Variants in C12orf42 observed in about 807,000 individuals in gnomAD.
C12orf42 encodes the protein uncharacterized protein C12orf42.
A neutral mutation model predicts 21.6 loss-of-function variants in C12orf42; 25 were observed. The ratio of observed to expected loss-of-function variants is 1.16; its 90% CI spans 0.84 to 1.62. The LOEUF (loss-of-function observed/expected upper bound fraction) is 1.62. Ranked by LOEUF, C12orf42 falls within the 40% of genes most tolerant of loss-of-function variation. The pLI is 0.00. For synonymous variants in C12orf42, 174 were observed against 175.0 expected (o/e 0.99, Z 0.05); for missense variants, 483 against 459.3 (o/e 1.05, Z -0.47).
At chr12:103,197,470 T>C in the C12orf42 span, among the ~76,000 whole-genome samples, 9,025 of 152,320 alleles carry the variant, frequency 0.059, 440 homozygotes, top group East Asian at 0.24. Flanking sequence ...ATTGTTTTAA[T>C]ACATTCCTTA....
chr12:103,482,972 C>T (rs1954577164), intron 1 of C12orf42, among the ~76,000 whole-genome samples: 2 of 151,982 alleles, frequency 1.3e-5, no homozygotes, highest in Admixed American at 1.3e-4. Context: ...TTACTTTATG[C>T]ATCTGTTTCT....
intron 4 of C12orf42, among the ~76,000 whole-genome samples, chr12:103,313,996 T>C (rs984465142): frequency 3.9e-5 from 6 of 152,086 alleles, no homozygotes; most frequent in Admixed American, 6.5e-5. Flanking sequence ...GTGATATTAA[T>C]GAAAAACAAG....
At chr12:103,387,584 A>T (rs1465512764) in intron 3 of C12orf42, among the ~76,000 whole-genome samples, 2 of 152,222 alleles carry the variant, frequency 1.3e-5, no homozygotes, top group Non-Finnish European at 2.9e-5. Flanking sequence ...CTTGTCAACC[A>T]GGGATGGCGG....
intron 1 of C12orf42, among the ~76,000 whole-genome samples, chr12:103,478,917 A>G (rs1954269491): frequency 6.6e-6 from 1 of 152,128 alleles, no homozygotes; most frequent in East Asian, 1.9e-4. Flanking sequence ...TCTGTTGATT[A>G]TTTGGGGATT....
chr12:103,530,334 G>A, the C12orf42 span, among the ~76,000 whole-genome samples: 1 of 152,214 alleles, frequency 6.6e-6, no homozygotes, highest in Non-Finnish European at 1.5e-5. Context: ...CTGCAAAGGC[G>A]GTGGCGTGTG....
intron 4 of C12orf42, among the ~76,000 whole-genome samples, chr12:103,341,788 A>G (rs1365710552): frequency 2.6e-5 from 4 of 152,214 alleles, no homozygotes; most frequent in Non-Finnish European, 5.9e-5. Context: ...AAACATAGAA[A>G]AAGAAAGCCC....
chr12:103,210,618 T>A, the C12orf42 span, among the ~76,000 whole-genome samples: 1 of 150,440 alleles, frequency 6.6e-6, no homozygotes, highest in South Asian at 2.1e-4. Flanking sequence ...TATCCTCATC[T>A]TGGTGTAACA....
At chr12:103,191,782 G>C in the C12orf42 span, among the ~76,000 whole-genome samples, 1 of 149,462 alleles carries the variant, frequency 6.7e-6, no homozygotes, top group Non-Finnish European at 1.5e-5. Flanking sequence ...AAAATATTAA[G>C]AGCTATAACC....
At chr12:103,294,636 G>GAAAGA (rs1480779632) in intron 4 of C12orf42, among the ~76,000 whole-genome samples, 1 of 144,190 alleles carries the variant, frequency 6.9e-6, no homozygotes, top group East Asian at 2.0e-4. Context: ...AAGAAAGAAA[G>GAAAGA]AAGGAAAAGA....
the C12orf42 span, among the ~76,000 whole-genome samples, chr12:103,560,156 TG>T: frequency 2.1e-4 from 32 of 152,370 alleles, no homozygotes; most frequent in African/African-American, 7.2e-4. Flanking sequence ...TGGTCATTAA[TG>T]TCCCCATTTT....
chr12:103,317,305 G>A (rs2034630206), intron 4 of C12orf42, among the ~76,000 whole-genome samples: 1 of 152,058 alleles, frequency 6.6e-6, no homozygotes, highest in Non-Finnish European at 1.5e-5. Context: ...CTCTCTCCTA[G>A]TAAAGGGACA....
the C12orf42 span, among the ~76,000 whole-genome samples, chr12:103,228,098 A>G: frequency 1.3e-5 from 2 of 152,136 alleles, no homozygotes; most frequent in African/African-American, 4.8e-5. Flanking sequence ...GAGTCACGGC[A>G]CCAAATTTCA....
At chr12:103,089,619 C>CTGTGTGTGTG in the C12orf42 span, among the ~76,000 whole-genome samples, 34 of 145,588 alleles carry the variant, frequency 2.3e-4, no homozygotes, top group African/African-American at 7.5e-4. Context: ...GTGTGTGTGT[C>CTGTGTGTGTG]TGTGTGTGTG....
chr12:103,469,289 TA>T (rs2037094514), intron 2 of C12orf42, among the ~76,000 whole-genome samples: 1 of 152,326 alleles, frequency 6.6e-6, no homozygotes, highest in Admixed American at 6.5e-5. Flanking sequence ...AAATGATGTG[TA>T]AAAACATACA....
intron 2 of C12orf42, among the ~76,000 whole-genome samples, chr12:103,426,225 A>G (rs1225460304): frequency 6.6e-6 from 1 of 152,244 alleles, no homozygotes; most frequent in East Asian, 1.9e-4. Flanking sequence ...AAAAGGTTAA[A>G]GGAATTGCTA....
At chr12:103,543,987 G>A in the C12orf42 span, among the ~76,000 whole-genome samples, 8 of 151,094 alleles carry the variant, frequency 5.3e-5, no homozygotes, top group East Asian at 4.0e-4. Flanking sequence ...TCCACCTCCC[G>A]GGTTCACACC....
the C12orf42 span, among the ~76,000 whole-genome samples, chr12:103,120,088 C>T: frequency 3.3e-5 from 5 of 152,220 alleles, no homozygotes; most frequent in African/African-American, 1.2e-4. Flanking sequence ...ACATACTTAA[C>T]TTATGAATAA....
the C12orf42 span, among the ~76,000 whole-genome samples, chr12:103,203,453 A>C: frequency 6.6e-6 from 1 of 152,338 alleles, no homozygotes; most frequent in African/African-American, 2.4e-5. Flanking sequence ...AAGTGGGTTA[A>C]CCTATCAAAA....
intron 4 of C12orf42, among the ~76,000 whole-genome samples, chr12:103,290,270 GC>G (rs1416995069): frequency 1.3e-5 from 2 of 152,132 alleles, no homozygotes; most frequent in Non-Finnish European, 2.9e-5. Flanking sequence ...GGAAACTTTA[GC>G]AAAGTCACTC....
Sources: allele counts gnomAD v4.1 joint callset (sites outside exome capture counted in the v4.1 genomes callset), GRCh38; gene constraint gnomAD v4.1.1; transcripts MANE v1.5; gene names NCBI Gene and HGNC (gene_info 2026-07-23, HGNC 2026-07-21).